USP43: variants seen among roughly 807,000 people sequenced by gnomAD.
USP43 encodes ubiquitin specific peptidase 43.
USP43 carries 33 observed loss-of-function variants against 90.7 expected under a neutral mutation model. That is an observed-to-expected ratio of 0.36 (90% CI 0.28 to 0.49). The LOEUF is 0.49. Ranked by LOEUF, USP43 falls within the 20% of genes least tolerant of loss-of-function variation. USP43 has a pLI of 0.98. For missense variants in USP43, 1,274 were observed against 1,476.4 expected (o/e 0.86, Z 2.25); for synonymous variants, 598 against 615.8 (o/e 0.97, Z 0.43).
Position 9,700,109 on chromosome 17 carries a change from C to T in USP43, c.1458-63C>T, listed in dbSNP as rs923384845. The T allele has an allele frequency of 3.5e-5, 51 of 1,454,706 alleles. 1 individual carries two copies. The South Asian group carries it at 5.2e-4, about 15-fold the overall frequency. 90.1% of individuals were successfully genotyped at this position (1,454,706 alleles called of 1,614,324 possible). ...TTGGGTTGTGGGGGAGACTGCTGAG[C>T]CCTGAAGAGCTGTGGGAAGGAGGCC... On this transcript the variant is annotated intron_variant, in intron 9 of 14. Transcript: ENST00000285199.
Position 9,701,823 on chromosome 17 carries a change from A to T in USP43, c.2011+123A>T. Reference sequence around the variant, plus strand: ...CTTATTGAGATCCGACCCCTCACCCACCGCACACCAGGAAGATGAGGATGA... The same window carrying T: ...CTTATTGAGATCCGACCCCTCACCCTCCGCACACCAGGAAGATGAGGATGA... On this transcript the variant is annotated intron_variant, in intron 12 of 14. Transcript: ENST00000285199. This position sits in a 1 kb window ranked among gnomAD's most constrained non-coding sequence, Gnocchi z 7.2. 1 of 795,002 alleles carries T rather than the reference A, an allele frequency of 1.3e-6. No homozygotes were observed. Among genetic ancestry groups the T allele is most frequent in the Non-Finnish European group, 1.9e-6 (1 of 522,370 alleles). 49.2% of individuals were successfully genotyped at this position (795,002 alleles called of 1,614,324 possible).
rs555476386 is a variant in USP43 at position 9,664,331 on chromosome 17, T to G, written c.637-2317T>G. ...CCTCATCTTATTTTCTTGGATGTAC[T>G]TTGAAGTAAATTGCACACCTTACCC... On this transcript the variant is annotated intron_variant, in intron 2 of 14. Coordinates refer to ENST00000285199, the MANE Select transcript of USP43 (RefSeq NM_153210.5). Among the ~76,000 whole-genome samples the G allele has an allele frequency of 3.3e-4, 51 of 152,312 alleles. No homozygotes were observed. The Middle Eastern group carries it at 0.017, about 51-fold the overall frequency.
intron 3 of USP43, among the ~76,000 whole-genome samples, chr17:9,670,168 A>C (rs1913311587): frequency 6.6e-6 from 1 of 151,000 alleles, no homozygotes; most frequent in Admixed American, 6.6e-5. Context: ...CCTCCCAAGT[A>C]GCTGGGACTA....
At chr17:9,700,319 G>A (rs1034966499) in intron 10 of USP43, 70 bp downstream of exon 10, 38 of 1,456,066 alleles carry the variant, frequency 2.6e-5, no homozygotes, top group Non-Finnish European at 3.5e-5. Flanking sequence ...TTCCCTGGAC[G>A]CAGCTTCCCC....
At chr17:9,697,143 G>A (rs1210520699) in intron 9 of USP43, among the ~76,000 whole-genome samples, 4 of 152,146 alleles carry the variant, frequency 2.6e-5, no homozygotes, top group Non-Finnish European at 5.9e-5. Context: ...CTTGAACCCA[G>A]GATGCGGAGC....
Position 9,728,361 on chromosome 17 carries a change from C to T in USP43, c.2743C>T (p.Leu915Phe). ...NSDGPNTARK[L>F]KENAGQDIKL... ...AGATGGTCCAAACACAGCAAGGAAA[C>T]TCAAGGAAAATGCAGGGCAGGACAT... Residue 915 changes from leucine to phenylalanine, a missense_variant, in exon 15 of 15, where the codon CTC becomes TTC. This residue lies in a region of USP43 where 353 missense variants were observed against 329.7 expected (regional missense o/e 1.07). Transcript: ENST00000285199. The surrounding 1 kb of genome is among the most constrained non-coding windows in gnomAD (Gnocchi z 6.2). 6.2e-7 allele frequency: 1 copy of T among 1,610,504 alleles called. No homozygotes were observed. Among genetic ancestry groups the T allele is most frequent in the Non-Finnish European group, 8.5e-7 (1 of 1,178,372 alleles).
At chr17:9,710,211 G>C in intron 13 of USP43, 97 bp downstream of exon 13, 2 of 1,286,558 alleles carry the variant, frequency 1.6e-6, no homozygotes, top group Non-Finnish European at 2.0e-6. Context: ...GGAGAGGTTG[G>C]CAAGGATCTG....
chr17:9,668,616 C>T (rs772952737), intron 3 of USP43, among the ~76,000 whole-genome samples: 15 of 152,156 alleles, frequency 9.9e-5, no homozygotes, highest in East Asian at 3.9e-4. Context: ...GGGATGACTG[C>T]GGGCTCTTCG....
chr17:9,665,656 T>C (rs1430994935), intron 2 of USP43, among the ~76,000 whole-genome samples: 1 of 152,198 alleles, frequency 6.6e-6, no homozygotes, highest in African/African-American at 2.4e-5. Flanking sequence ...CATTACCTTC[T>C]ATGGTAAAGA....
chr17:9,678,073 G>A (rs777466920), intron 5 of USP43, among the ~76,000 whole-genome samples: 18 of 152,192 alleles, frequency 1.2e-4, no homozygotes, highest in South Asian at 4.1e-4. Context: ...GGGACAGTGG[G>A]TGAGAGTCCT....
At chr17:9,697,405 G>A (rs2151985947) in intron 9 of USP43, among the ~76,000 whole-genome samples, 1 of 151,806 alleles carries the variant, frequency 6.6e-6, no homozygotes, top group South Asian at 2.1e-4. Flanking sequence ...TAACACTGGA[G>A]TTTGCATTTC....
At chr17:9,718,200 T>C (rs190910527) in intron 14 of USP43, among the ~76,000 whole-genome samples, 3 of 152,324 alleles carry the variant, frequency 2.0e-5, no homozygotes, top group Non-Finnish European at 4.4e-5. Context: ...GCTTAACTAT[T>C]ATTTATATCA....
intron 9 of USP43, among the ~76,000 whole-genome samples, chr17:9,698,379 T>A (rs988876379): frequency 2.0e-5 from 3 of 152,176 alleles, no homozygotes; most frequent in Non-Finnish European, 4.4e-5. Context: ...GCTTTCGAGG[T>A]CTCAGTCATT....
At chr17:9,721,804 AC>A (rs1916969881) in intron 14 of USP43, among the ~76,000 whole-genome samples, 1 of 143,790 alleles carries the variant, frequency 7.0e-6, no homozygotes. Context: ...GCTCGCTGCA[AC>A]CTCCACCTCC....
At chr17:9,676,496 A>C (rs1048495359) in intron 4 of USP43, among the ~76,000 whole-genome samples, 111 of 152,080 alleles carry the variant, frequency 7.3e-4, no homozygotes, top group African/African-American at 2.6e-3. Flanking sequence ...CAGCCTCCCA[A>C]GTAGCTGGGA....
chr17:9,722,608 T>C (rs1917026873), intron 14 of USP43, among the ~76,000 whole-genome samples: 1 of 152,226 alleles, frequency 6.6e-6, no homozygotes, highest in South Asian at 2.1e-4. Context: ...AATTTGTTAA[T>C]TGCTACTTTC....
chr17:9,693,352 C>T, intron 9 of USP43, 122 bp downstream of exon 9: 2 of 779,440 alleles, frequency 2.6e-6, no homozygotes, highest in Non-Finnish European at 2.1e-6. Context: ...ACTTACCTCT[C>T]CAGTACCAGC....
At chr17:9,702,414 G>A (rs886590085) in intron 12 of USP43, among the ~76,000 whole-genome samples, 8 of 152,130 alleles carry the variant, frequency 5.3e-5, no homozygotes, top group African/African-American at 1.9e-4. Flanking sequence ...ATTAAATATG[G>A]GAGGTCATTA....
chr17:9,676,114 G>GA (rs770569159), intron 4 of USP43, among the ~76,000 whole-genome samples: 15 of 152,152 alleles, frequency 9.9e-5, no homozygotes, highest in South Asian at 2.1e-4. Flanking sequence ...GATTTGTACT[G>GA]AAAAAAACAC....
Sources: allele counts gnomAD v4.1 joint callset (sites outside exome capture counted in the v4.1 genomes callset), GRCh38; gene constraint gnomAD v4.1.1; regional missense constraint gnomAD v4.1.1; non-coding constraint Gnocchi (gnomAD v3.1); transcripts MANE v1.5; gene names NCBI Gene and HGNC (gene_info 2026-07-23, HGNC 2026-07-21).